Variants in CCDC91 observed in about 807,000 individuals in gnomAD.
CCDC91 encodes coiled-coil domain-containing protein 91.
In CCDC91, 48 loss-of-function variants were observed where a neutral mutation model predicts 63.2. The ratio of observed to expected loss-of-function variants is 0.76; its 90% confidence interval spans 0.60 to 0.97. CCDC91 has a LOEUF of 0.97. CCDC91 is among the 50% of genes least tolerant of loss of function. The pLI is 0.00. For missense variants in CCDC91, 500 were observed against 494.6 expected, an observed-to-expected ratio of 1.01 and a Z score of -0.10; for synonymous variants, 167 against 165.8, an observed-to-expected ratio of 1.01 and a Z score of -0.06.
intron 8 of CCDC91, among the ~76,000 whole-genome samples, chr12:28,400,357 C>T (rs1282984846): frequency 6.8e-6 from 1 of 146,178 alleles, no homozygotes; most frequent in Non-Finnish European, 1.5e-5. Flanking sequence ...CACCCCCACC[C>T]CCACCCTAGG....
rs535428118 is a variant in CCDC91 at position 28,502,075 on chromosome 12, C to T, written c.1215+17910C>T. ...ATATCCCCTTTATCATTTTTTATTG[C>T]GTCTATTTGATTCTTCTCTCTTTTC... On this transcript the variant is annotated intron_variant, in intron 12 of 12. Transcript: ENST00000536442. 1.5e-4 allele frequency among the ~76,000 whole-genome samples: 23 copies of T among 151,716 alleles called. No individual in the cohort carries two copies. In the East Asian group the frequency reaches 2.9e-3, roughly 19 times the overall value.
At chr12:28,249,554 T>C (rs1431168513) in intron 1 of CCDC91, among the ~76,000 whole-genome samples, 1 of 152,198 alleles carries the variant, frequency 6.6e-6, no homozygotes, top group Non-Finnish European at 1.5e-5. Flanking sequence ...TTTTCCCTGA[T>C]GAGCTTCTTT....
At position 28,259,452 on chromosome 12, in the gene CCDC91, TC is replaced by T; in HGVS notation, c.109+12del. On this transcript the variant is annotated intron_variant, in intron 3 of 12. Coordinates refer to ENST00000536442, the MANE Select transcript of CCDC91 (RefSeq NM_018318.5). Reference sequence around the variant, plus strand: ...GCTGCCTTTCCTGCAGGTATTGGTATCCAGGAATTAGGGTTTTTTTTTTTTT... The same window carrying T: ...GCTGCCTTTCCTGCAGGTATTGGTATCAGGAATTAGGGTTTTTTTTTTTTT... 6.7e-7 allele frequency: 1 copy of T among 1,490,640 alleles called. No individual in the cohort carries two copies. Among genetic ancestry groups the T allele is most frequent in the Non-Finnish European group, 9.3e-7 (1 of 1,080,168 alleles). The allele number at this position is 1,490,640 out of a possible 1,614,324, so 92.3% of individuals were successfully genotyped here.
intron 8 of CCDC91, among the ~76,000 whole-genome samples, chr12:28,445,100 G>T (rs1949431187): frequency 6.6e-6 from 1 of 152,150 alleles, no homozygotes; most frequent in African/African-American, 2.4e-5. Context: ...TTTCAAAGGA[G>T]TGCTATCTAA....
In CCDC91 at chr12:28,450,185, G is replaced by C. The variant is rs751434372; in HGVS notation, c.787G>C (p.Asp263His). The C allele has an allele frequency of 6.2e-7, 1 of 1,607,584 alleles. No homozygotes were observed. Among genetic ancestry groups the C allele is most frequent in the South Asian group, 1.1e-5 (1 of 90,076 alleles). The change falls in exon 9 of 13, where the codon GAT (aspartate) becomes CAT (histidine). Residue 263 changes from aspartate (D) to histidine (H), a missense_variant. Asp to His is a moderately conservative substitution (Grantham distance 81, BLOSUM62 -1). Coordinates refer to ENST00000536442, the MANE Select transcript of CCDC91 (RefSeq NM_018318.5). ...GCATCAGAGGCTCCTTGAAATGCTAGATACAGAGAAGGAACTGTTAAAAGA... is the reference window on the plus strand; with the variant it reads ...GCATCAGAGGCTCCTTGAAATGCTACATACAGAGAAGGAACTGTTAAAAGA... ...AQHQRLLEML[D>H]TEKELLKEKI...
At chr12:28,395,598 A>G (rs1206615718) in intron 8 of CCDC91, among the ~76,000 whole-genome samples, 2 of 152,180 alleles carry the variant, frequency 1.3e-5, no homozygotes, top group Non-Finnish European at 2.9e-5. Flanking sequence ...GAAGAAATAC[A>G]TAGGACAAGT....
intron 12 of CCDC91, among the ~76,000 whole-genome samples, chr12:28,535,337 C>T (rs1363752237): frequency 6.6e-6 from 1 of 152,176 alleles, no homozygotes; most frequent in Non-Finnish European, 1.5e-5. Flanking sequence ...CATGGAATGT[C>T]TATATGATAA....
rs571276375 is a variant in CCDC91, at chr12:28,328,030, C to T, written c.576+20281C>T. Among the ~76,000 whole-genome samples, 33 of 152,208 alleles carry T rather than the reference C, an allele frequency of 2.2e-4. No individual in the cohort carries two copies. In the South Asian group the frequency reaches 3.9e-3, roughly 18 times the overall value. On this transcript the variant is annotated intron_variant, in intron 6 of 12. Transcript: ENST00000536442. Reference sequence around the variant, plus strand: ...TAATATATTCTTGGTAATATAGGGGCACTCTGTTAATTTAACACTGAAATT... The same window carrying T: ...TAATATATTCTTGGTAATATAGGGGTACTCTGTTAATTTAACACTGAAATT...
chr12:28,418,153 GCTGTA>G (rs1947792707), intron 8 of CCDC91, among the ~76,000 whole-genome samples: 1 of 152,030 alleles, frequency 6.6e-6, no homozygotes, highest in Admixed American at 6.6e-5. Context: ...TTCCAATGTG[GCTGTA>G]CCATTTTGCA....
chr12:28,434,446 T>C (rs1205765956), intron 8 of CCDC91, among the ~76,000 whole-genome samples: 1 of 151,640 alleles, frequency 6.6e-6, no homozygotes, highest in Non-Finnish European at 1.5e-5. Context: ...TATCCTTGCA[T>C]ACCTAGGAGA....
chr12:28,191,398 A>G (rs1240948682), intron 1 of CCDC91: 1 of 152,146 alleles, frequency 6.6e-6, no homozygotes, highest in African/African-American at 2.4e-5. Context: ...GCAGAGCTCG[A>G]TTTCCTGGAG....
At chr12:28,393,634 A>G (rs17433981) in intron 8 of CCDC91, among the ~76,000 whole-genome samples, 30,820 of 152,088 alleles carry the variant, frequency 0.2, 4,087 homozygotes, top group Non-Finnish European at 0.3. Context: ...GAGTGTGGCT[A>G]ACATACTTAG....
At chr12:28,263,695 C>T (rs1274937965) in intron 3 of CCDC91, among the ~76,000 whole-genome samples, 1 of 151,920 alleles carries the variant, frequency 6.6e-6, no homozygotes, top group Non-Finnish European at 1.5e-5. Context: ...AAGTATGACT[C>T]CCATCTCTTT....
intron 8 of CCDC91, among the ~76,000 whole-genome samples, chr12:28,400,457 A>G (rs1946554407): frequency 6.6e-6 from 1 of 150,534 alleles, no homozygotes; most frequent in Non-Finnish European, 1.5e-5. Flanking sequence ...CCCTGGAGAT[A>G]TTTTCCCCAT....
intron 12 of CCDC91, among the ~76,000 whole-genome samples, chr12:28,503,638 A>G (rs1037033445): frequency 2.0e-5 from 3 of 152,188 alleles, no homozygotes; most frequent in African/African-American, 7.2e-5. Flanking sequence ...ATGCACACGT[A>G]TGTTTATTGC....
intron 11 of CCDC91, among the ~76,000 whole-genome samples, chr12:28,470,320 C>G (rs1950753115): frequency 6.6e-6 from 1 of 151,908 alleles, no homozygotes; most frequent in Admixed American, 6.6e-5. Context: ...ATGACAAAAA[C>G]ACATATGAAA....
chr12:28,322,748 T>C (rs1592305838), intron 6 of CCDC91, among the ~76,000 whole-genome samples: 2 of 151,758 alleles, frequency 1.3e-5, no homozygotes, highest in South Asian at 4.1e-4. Flanking sequence ...TATGGATAAC[T>C]TCTAGACAGA....
At chr12:28,206,011 T>C (rs11049459) in intron 1 of CCDC91, among the ~76,000 whole-genome samples, 39,552 of 151,992 alleles carry the variant, frequency 0.26, 5,371 homozygotes, top group Non-Finnish European at 0.31. Context: ...CAGTGAGTTT[T>C]GCAAAGGTAG....
intron 12 of CCDC91, 59 bp downstream of exon 12, chr12:28,484,224 A>C: frequency 1.2e-6 from 1 of 819,792 alleles, no homozygotes; most frequent in Middle Eastern, 2.9e-4. Context: ...AGTGACTTCC[A>C]TACAATAACA....
Sources: gnomAD v4.1 joint callset for allele counts (sites outside exome capture counted in the v4.1 genomes callset) on GRCh38, gnomAD v4.1.1 for gene constraint, MANE v1.5 for transcripts, NCBI Gene and HGNC (gene_info 2026-07-23, HGNC 2026-07-21) for gene names.